Variants in CCNY observed in about 807,000 individuals in gnomAD.
CCNY encodes cyclin Y, also known as cyclin-Y.
CCNY carries 19 observed loss-of-function variants against 42.8 expected under a neutral mutation model. The ratio of observed to expected loss-of-function variants is 0.44; its 90% CI spans 0.31 to 0.65. The LOEUF (loss-of-function observed/expected upper bound fraction) is 0.65, where lower values mean the gene tolerates loss of function less well. CCNY is among the 30% of genes least tolerant of loss of function. CCNY has a pLI of 0.07. For synonymous variants in CCNY, 165 were observed against 162.7 expected, an observed-to-expected ratio of 1.01 and a Z score of -0.11; for missense variants, 370 against 437.3, an observed-to-expected ratio of 0.85 and a Z score of 1.37.
At chr10:35,347,362 C>T (rs1198129965) in intron 1 of CCNY, 4 of 727,662 alleles carry the variant, frequency 5.5e-6, no homozygotes, top group Non-Finnish European at 6.7e-6. Context: ...TTGCAGAAAT[C>T]CCAGTTGGGT....
chr10:35,269,535 C>T (rs191731736), intron 3 of CCNY, among the ~76,000 whole-genome samples: 2 of 152,086 alleles, frequency 1.3e-5, no homozygotes. Context: ...AAACTCCTGA[C>T]CTCAAGTGAT....
intron 2 of CCNY, among the ~76,000 whole-genome samples, chr10:35,499,440 C>T (rs1554795369): frequency 6.6e-6 from 1 of 152,162 alleles, no homozygotes; most frequent in Non-Finnish European, 1.5e-5. Context: ...CCTCCCACAA[C>T]ATGTGGGAAT....
chr10:35,452,689 T>A (rs1838944155), intron 1 of CCNY, among the ~76,000 whole-genome samples: 1 of 151,482 alleles, frequency 6.6e-6, no homozygotes, highest in Admixed American at 6.6e-5. Context: ...GTCAGTATAC[T>A]TAAAAGGAAA....
chr10:35,340,850 T>C (rs141779216), intron 1 of CCNY, among the ~76,000 whole-genome samples: 47 of 152,298 alleles, frequency 3.1e-4, no homozygotes, highest in African/African-American at 1.1e-3. Context: ...GACAACTCAC[T>C]TTCTCCCTCG....
At chr10:35,558,035 T>C (rs978973285) in intron 8 of CCNY, among the ~76,000 whole-genome samples, 6 of 152,200 alleles carry the variant, frequency 3.9e-5, no homozygotes, top group Non-Finnish European at 7.3e-5. Flanking sequence ...TTGAATTATA[T>C]GCTAAAATTA....
chr10:35,379,390 T>G (rs1184448766), intron 1 of CCNY, among the ~76,000 whole-genome samples: 1 of 151,896 alleles, frequency 6.6e-6, no homozygotes, highest in Non-Finnish European at 1.5e-5. Context: ...AAGGGGAAGG[T>G]GGGGAGCGGT....
intron 3 of CCNY, among the ~76,000 whole-genome samples, chr10:35,515,780 A>G (rs1840415419): frequency 6.6e-6 from 1 of 152,216 alleles, no homozygotes; most frequent in Admixed American, 6.5e-5. Flanking sequence ...ACTAGGTGTC[A>G]TCAGTGTGTG....
At chr10:35,506,582 C>T (rs1564438733) in intron 3 of CCNY, among the ~76,000 whole-genome samples, 1 of 152,292 alleles carries the variant, frequency 6.6e-6, no homozygotes, top group South Asian at 2.1e-4. Context: ...TTTCTTCATG[C>T]TGTCACTCTT....
chr10:35,503,238 C>T (rs1364837684), intron 3 of CCNY, among the ~76,000 whole-genome samples: 8 of 152,176 alleles, frequency 5.3e-5, no homozygotes, highest in South Asian at 2.1e-4. Flanking sequence ...TATCTTCTAA[C>T]GCCCAGCCCA....
intron 1 of CCNY, among the ~76,000 whole-genome samples, chr10:35,419,836 G>A (rs567297151): frequency 6.6e-6 from 1 of 151,672 alleles, no homozygotes; most frequent in Admixed American, 6.6e-5. Context: ...ATACAGCATT[G>A]TGACTGCTGA....
intron 1 of CCNY, among the ~76,000 whole-genome samples, chr10:35,459,197 A>G (rs925705591): frequency 5.3e-5 from 8 of 152,228 alleles, no homozygotes; most frequent in Non-Finnish European, 8.8e-5. Context: ...GGAGTGATGC[A>G]GATACACCGT....
chr10:35,377,217 C>T lies in CCNY; in HGVS notation c.154+40010C>T, dbSNP rs1412099073. Reference sequence around the variant, plus strand: ...TGTTTATACAGTTGACAGTAGTGTACAGTAATGTCCTCAGCCTTCACATTG... The same window carrying T: ...TGTTTATACAGTTGACAGTAGTGTATAGTAATGTCCTCAGCCTTCACATTG... On this transcript the variant is annotated intron_variant, in intron 1 of 9. Coordinates refer to ENST00000374704, the MANE Select transcript of CCNY (RefSeq NM_145012.6). Among the ~76,000 whole-genome samples, 4 of 152,146 alleles carry T rather than the reference C, an allele frequency of 2.6e-5. No individual in the cohort carries two copies. The East Asian group carries it at 5.8e-4, about 22-fold the overall frequency.
intron 7 of CCNY, among the ~76,000 whole-genome samples, chr10:35,537,128 C>T (rs779584749): frequency 4.6e-5 from 7 of 152,344 alleles, no homozygotes; most frequent in Non-Finnish European, 1.0e-4. Context: ...GGGGCCAAGG[C>T]ACAGCTCGGG....
chr10:35,438,176 G>A (rs926340256), intron 1 of CCNY, among the ~76,000 whole-genome samples: 2 of 149,662 alleles, frequency 1.3e-5, no homozygotes, highest in Non-Finnish European at 3.0e-5. Flanking sequence ...CTGAGGCAAG[G>A]CCTTTTCTGT....
intron 1 of CCNY, among the ~76,000 whole-genome samples, chr10:35,413,718 C>T (rs1365857211): frequency 1.3e-5 from 2 of 152,090 alleles, no homozygotes; most frequent in Admixed American, 1.3e-4. Context: ...AGAGAGTGGC[C>T]GTCACTAACT....
chr10:35,465,938 A>AGAGAGTGTGTGTGT, intron 1 of CCNY, among the ~76,000 whole-genome samples: 2 of 81,032 alleles, frequency 2.5e-5, no homozygotes, highest in African/African-American at 8.7e-5. Context: ...AGAGAGAGAG[A>AGAGAGTGTGTGTGT]GTGTGTGTGT....
rs567387665 is a variant in CCNY at position 35,531,977 on chromosome 10, C to A, written c.579+1734C>A. On this transcript the variant is annotated intron_variant, in intron 7 of 9. Coordinates refer to ENST00000374704, the MANE Select transcript of CCNY (RefSeq NM_145012.6). ...GGAGTAGTGTAGGACTGGCACTTTT[C>A]TTGTGAATAATTGTAACTATTGAAA... is the stretch of plus-strand genomic sequence containing the variant. Among the ~76,000 whole-genome samples the A allele has an allele frequency of 3.3e-5, 5 of 152,338 alleles. No homozygotes were observed. The South Asian group carries it at 1.0e-3, about 32-fold the overall frequency.
At chr10:35,371,323 T>C (rs16935990) in intron 1 of CCNY, among the ~76,000 whole-genome samples, 2,737 of 152,300 alleles carry the variant, frequency 0.018, 66 homozygotes, top group East Asian at 0.055. Context: ...TTCCTTTCTA[T>C]TTCAATTGTG....
At chr10:35,257,969 G>C (rs4007273) in intron 3 of CCNY, among the ~76,000 whole-genome samples, 31,438 of 152,030 alleles carry the variant, frequency 0.21, 3,362 homozygotes, top group East Asian at 0.24. Context: ...AATTTCCACT[G>C]TCTTTTCTTT....
Sources: gnomAD v4.1 joint callset for allele counts (sites outside exome capture counted in the v4.1 genomes callset) on GRCh38, gnomAD v4.1.1 for gene constraint, MANE v1.5 for transcripts, NCBI Gene and HGNC (gene_info 2026-07-23, HGNC 2026-07-21) for gene names.